EFTUD2: variants seen among roughly 807,000 people sequenced by gnomAD.
The protein encoded by EFTUD2 is elongation factor Tu GTP binding domain containing 2.
A neutral mutation model predicts 114.3 loss-of-function variants in EFTUD2; 9 were observed. That is an observed-to-expected ratio of 0.08 (90% CI 0.05 to 0.14). The LOEUF (loss-of-function observed/expected upper bound fraction) is 0.14, where lower values mean the gene tolerates loss of function less well. EFTUD2 is among the 10% of genes least tolerant of loss of function. The probability of loss-of-function intolerance (pLI) is 1.00; values close to 1 mark genes in which losing one functional copy is unlikely to be tolerated. For missense variants in EFTUD2, 765 were observed against 1,241.2 expected (o/e 0.62, Z 5.76); for synonymous variants, 449 against 462.3 (o/e 0.97, Z 0.37).
Position 44,853,456 on chromosome 17 carries a change from C to T in EFTUD2, c.2466+61G>A, listed in dbSNP as rs574031167. On this transcript the variant is annotated intron_variant, in intron 24 of 27. Coordinates refer to ENST00000426333, the MANE Select transcript of EFTUD2 (RefSeq NM_004247.4). ...GGCTGGGGGCCTATAGTCCCACTTG[C>T]TCCTTCACTTAGTCCCCTGTCCAGT... 4.5e-5 allele frequency: 73 copies of T among 1,611,838 alleles called. No homozygotes were observed. The Admixed American group carries it at 1.2e-3, about 26-fold the overall frequency.
At chr17:44,893,790 G>T (rs1257562255) in intron 2 of EFTUD2, among the ~76,000 whole-genome samples, 1 of 144,998 alleles carries the variant, frequency 6.9e-6, no homozygotes, top group Non-Finnish European at 1.5e-5. Context: ...GGGGGGGCAG[G>T]CATGGTGGCT....
rs777567286 is a variant in EFTUD2, at chr17:44,859,863, G to C, written c.1860+42C>G. The C allele has an allele frequency of 8.1e-6, 13 of 1,612,690 alleles. No homozygotes were observed. The East Asian group carries it at 2.9e-4, about 36-fold the overall frequency. On this transcript the variant is annotated intron_variant, in intron 18 of 27. Coordinates refer to ENST00000426333, the MANE Select transcript of EFTUD2 (RefSeq NM_004247.4). Reference sequence around the variant, plus strand: ...GTGTGCAGCTCTGCCCATTCAGCTGGGGATAGTGGGGCTTGGCGGCTGCTG... The same window carrying C: ...GTGTGCAGCTCTGCCCATTCAGCTGCGGATAGTGGGGCTTGGCGGCTGCTG...
chr17:44,855,190 C>T (rs1322169366), intron 20 of EFTUD2, among the ~76,000 whole-genome samples, 186 bp from the exon 21 acceptor site: 1 of 152,160 alleles, frequency 6.6e-6, no homozygotes, highest in Non-Finnish European at 1.5e-5. Context: ...ATCACTGAAA[C>T]CCAGGAATTT....
chr17:44,889,566 G>C (rs958253483), intron 2 of EFTUD2, among the ~76,000 whole-genome samples: 1 of 152,198 alleles, frequency 6.6e-6, no homozygotes, highest in South Asian at 2.1e-4. Flanking sequence ...ACAGAAACAT[G>C]AACAAATCAT....
rs1001467559 is a variant in EFTUD2, at chr17:44,854,031, A to G, written c.2347+238T>C. The G allele has an allele frequency of 7.3e-6, 10 of 1,375,202 alleles. No individual in the cohort carries two copies. In the African/African-American group the frequency reaches 1.5e-4, roughly 20 times the overall value. 85.2% of individuals were successfully genotyped at this position (1,375,202 alleles called of 1,614,324 possible). On this transcript the variant is annotated intron_variant, in intron 23 of 27. Transcript: ENST00000426333. The surrounding 1 kb of genome is among the most constrained non-coding windows in gnomAD (Gnocchi z 4.3). Reference sequence around the variant, plus strand: ...TCTTCTCAAATACGTCCAACGCCAAACCCTTCTCAGAAATGAGGAGCAAAT... The same window carrying G: ...TCTTCTCAAATACGTCCAACGCCAAGCCCTTCTCAGAAATGAGGAGCAAAT...
Position 44,850,150 on chromosome 17 carries a change from G to A in EFTUD2, c.*1124C>T, listed in dbSNP as rs1271285599. 2 of 560,848 alleles carry A rather than the reference G, an allele frequency of 3.6e-6. No individual in the cohort carries two copies. Among genetic ancestry groups the A allele is most frequent in the Admixed American group, 3.0e-5 (1 of 33,446 alleles). The allele number at this position is 560,848 out of a possible 1,614,324, so 34.7% of individuals were successfully genotyped here. On this transcript the variant is annotated 3_prime_UTR_variant, in exon 28 of 28. Coordinates refer to ENST00000426333, the MANE Select transcript of EFTUD2 (RefSeq NM_004247.4). ...AAGTGTTTCGTGAACTGTCAGATAAGTGGTTTCCCCAGGTTGTGTGGTCAG... is the reference window on the plus strand; with the variant it reads ...AAGTGTTTCGTGAACTGTCAGATAAATGGTTTCCCCAGGTTGTGTGGTCAG...
At chr17:44,890,235 G>A (rs1415531416) in intron 2 of EFTUD2, among the ~76,000 whole-genome samples, 1 of 151,498 alleles carries the variant, frequency 6.6e-6, no homozygotes, top group African/African-American at 2.4e-5. Context: ...GGCCAGACTG[G>A]TCTCGAACTC....
chr17:44,851,341 T>C lies in EFTUD2; in HGVS notation c.2852A>G (p.Lys951Arg), dbSNP rs1483364680. The C allele has an allele frequency of 1.2e-6, 2 of 1,613,940 alleles. No individual in the cohort carries two copies. Among genetic ancestry groups the C allele is most frequent in the African/African-American group, 1.3e-5 (1 of 74,914 alleles). The change falls in exon 28 of 28, where the codon AAA (lysine) becomes AGA (arginine). Residue 951 changes from lysine to arginine, a missense_variant. Transcript: ENST00000426333. ...KGLSEDVSISKFFDDPMLLEL... is the reference protein window; with the variant it reads ...KGLSEDVSISRFFDDPMLLEL... ...CAGCAACATAGGATCATCGAAGAATTTGCTGATGCTCACATCTTCACTGAG... is the reference window on the plus strand; with the variant it reads ...CAGCAACATAGGATCATCGAAGAATCTGCTGATGCTCACATCTTCACTGAG...
chr17:44,867,712 A>G lies in EFTUD2; in HGVS notation c.1149+95T>C, dbSNP rs146382654. ...CACCCTTATACTTGACATAAAACTG[A>G]GCAGGTTTAGGGACAGAGGGAAGTG... On this transcript the variant is annotated intron_variant, in intron 13 of 27. Transcript: ENST00000426333. 2.4e-4 allele frequency: 267 copies of G among 1,090,092 alleles called. 2 individuals carry two copies. In the East Asian group the frequency reaches 7.3e-3, roughly 30 times the overall value. The allele number at this position is 1,090,092 out of a possible 1,614,324, so 67.5% of individuals were successfully genotyped here.
intron 6 of EFTUD2, among the ~76,000 whole-genome samples, chr17:44,882,039 A>T (rs2051081445): frequency 6.6e-6 from 1 of 152,082 alleles, no homozygotes; most frequent in East Asian, 1.9e-4. Flanking sequence ...GGTTTAAGAG[A>T]TTCTCCTGCC....
At chr17:44,887,641 T>C (rs2051198273) in intron 2 of EFTUD2, among the ~76,000 whole-genome samples, 1 of 152,206 alleles carries the variant, frequency 6.6e-6, no homozygotes, top group Non-Finnish European at 1.5e-5. Flanking sequence ...CGAATCTATA[T>C]AGACAGAAAG....
chr17:44,888,187 G>A (rs2051211167), intron 2 of EFTUD2, among the ~76,000 whole-genome samples: 1 of 152,216 alleles, frequency 6.6e-6, no homozygotes, highest in African/African-American at 2.4e-5. Context: ...ATGGAGCGAA[G>A]GATGGGGGAA....
rs2050453609 is a variant in EFTUD2, at chr17:44,851,698, A to G, written c.2823+12T>C. ...GGGTTGAGGGATGGCAACAGGCCCA[A>G]GGGAGACATACCTTCCTACGGCGGG... On this transcript the variant is annotated intron_variant, in intron 27 of 27. Transcript: ENST00000426333. 1.3e-6 allele frequency: 2 copies of G among 1,580,222 alleles called. No homozygotes were observed. Among genetic ancestry groups the G allele is most frequent in the Non-Finnish European group, 1.7e-6 (2 of 1,167,198 alleles).
chr17:44,892,318 T>TA (rs944725378), intron 2 of EFTUD2: 24 of 152,132 alleles, frequency 1.6e-4, no homozygotes, highest in African/African-American at 5.8e-4. Flanking sequence ...TGAAACCTTG[T>TA]CTCTATTTAA....
intron 11 of EFTUD2, among the ~76,000 whole-genome samples, chr17:44,870,656 C>T (rs941459899): frequency 6.6e-6 from 1 of 152,114 alleles, no homozygotes; most frequent in African/African-American, 2.4e-5. Flanking sequence ...ACTTAATGAA[C>T]AGTAAATGTG....
intron 7 of EFTUD2, among the ~76,000 whole-genome samples, chr17:44,881,089 T>G (rs1273403700): frequency 6.6e-6 from 1 of 152,160 alleles, no homozygotes; most frequent in East Asian, 1.9e-4. Flanking sequence ...TATAAAATAA[T>G]AACAGCTAAC....
At chr17:44,872,422 GAC>G in intron 11 of EFTUD2, 22 bp downstream of exon 11, 2 of 1,609,772 alleles carry the variant, frequency 1.2e-6, no homozygotes, top group Non-Finnish European at 1.7e-6. Context: ...AAGCTGGTGA[GAC>G]AGACTGCCAG....
rs565717430 is a variant in EFTUD2, at chr17:44,870,427, C to T, written c.994+2019G>A. 6.6e-4 allele frequency among the ~76,000 whole-genome samples: 100 copies of T among 152,174 alleles called. 1 individual carries two copies. Among genetic ancestry groups the T allele is most frequent in the South Asian group, 2.9e-3 (14 of 4,818 alleles). ...AATAACTGATATATACATCTAATAA[C>T]AAGAAAATGGTCAATGGCCCAATGC... On this transcript the variant is annotated intron_variant, in intron 11 of 27. Transcript: ENST00000426333.
Position 44,854,210 on chromosome 17 carries a change from CAT to C in EFTUD2, c.2347+57_2347+58del. On this transcript the variant is annotated intron_variant, in intron 23 of 27. Coordinates refer to ENST00000426333, the MANE Select transcript of EFTUD2 (RefSeq NM_004247.4). This position sits in a 1 kb window ranked among gnomAD's most constrained non-coding sequence, Gnocchi z 4.3. ...CTAAAGATGGTGAGCCCATCCCACT[CAT>C]ATGCCTGGCTGCAAGGACCCTCGAG... 1 of 1,542,494 alleles carries C rather than the reference CAT, an allele frequency of 6.5e-7. No homozygotes were observed. Among genetic ancestry groups the C allele is most frequent in the Non-Finnish European group, 8.8e-7 (1 of 1,134,748 alleles).
Sources: gnomAD v4.1 joint callset for allele counts (sites outside exome capture counted in the v4.1 genomes callset) on GRCh38, gnomAD v4.1.1 for gene constraint, Gnocchi (gnomAD v3.1) non-coding constraint, MANE v1.5 for transcripts, NCBI Gene and HGNC (gene_info 2026-07-23, HGNC 2026-07-21) for gene names.